The following FAM78B variants were observed in gnomAD, a reference collection of about 807,000 sequenced individuals.
FAM78B encodes family with sequence similarity 78 member B.
A neutral mutation model predicts 20.0 loss-of-function variants in FAM78B; 10 were observed. The ratio of observed to expected loss-of-function variants is 0.50; its 90% CI spans 0.31 to 0.85. The LOEUF (loss-of-function observed/expected upper bound fraction) is 0.85, where lower values mean the gene tolerates loss of function less well. Among genes scored for constraint, FAM78B ranks in the 40% least tolerant of loss-of-function variants. The probability of loss-of-function intolerance (pLI) is 0.05; values close to 1 mark genes in which losing one functional copy is unlikely to be tolerated. For missense variants in FAM78B, 283 were observed against 345.0 expected (o/e 0.82, Z 1.42); for synonymous variants, 135 against 132.8 (o/e 1.02, Z -0.12).
At chr1:166,098,190 C>G (rs1653363273) in intron 1 of FAM78B, among the ~76,000 whole-genome samples, 1 of 152,158 alleles carries the variant, frequency 6.6e-6, no homozygotes. Context: ...GAGAGTACTA[C>G]ATCAAGGGAA....
chr1:166,091,894 A>G (rs972473535), intron 1 of FAM78B, among the ~76,000 whole-genome samples: 2 of 152,218 alleles, frequency 1.3e-5, no homozygotes, highest in Non-Finnish European at 1.5e-5. Context: ...CCAACAGTTC[A>G]TAAGTGATGG....
chr1:166,165,221 T>C (rs955651921), intron 1 of FAM78B: 1 of 152,176 alleles, frequency 6.6e-6, no homozygotes, highest in African/African-American at 2.4e-5. Context: ...TTTTAAAAAG[T>C]AAGGACCCTA....
chr1:166,062,590 T>C (rs1651637848), intron 2 of FAM78B, among the ~76,000 whole-genome samples: 2 of 152,266 alleles, frequency 1.3e-5, no homozygotes, highest in Admixed American at 6.5e-5. Flanking sequence ...CCCTGATGCA[T>C]GTGCATGTGC....
At chr1:166,077,772 T>G (rs1009704592) in intron 1 of FAM78B, among the ~76,000 whole-genome samples, 1 of 137,450 alleles carries the variant, frequency 7.3e-6, no homozygotes, top group Non-Finnish European at 1.5e-5. Flanking sequence ...TATATATGAA[T>G]TATATATAAT....
intron 1 of FAM78B, among the ~76,000 whole-genome samples, chr1:166,130,297 T>C (rs150446552): frequency 1.8e-4 from 28 of 152,324 alleles, no homozygotes; most frequent in Admixed American, 3.3e-4. Context: ...CTGGACCACA[T>C]AGGGATGTGG....
chr1:166,129,505 T>C (rs1654793756), intron 1 of FAM78B, among the ~76,000 whole-genome samples: 1 of 152,230 alleles, frequency 6.6e-6, no homozygotes, highest in African/African-American at 2.4e-5. Context: ...CCAGGAAGTG[T>C]GTGAGACCTT....
At chr1:166,154,119 C>T (rs563591195) in intron 1 of FAM78B, among the ~76,000 whole-genome samples, 9 of 152,354 alleles carry the variant, frequency 5.9e-5, no homozygotes, top group African/African-American at 1.9e-4. Flanking sequence ...CAGCTGAGCC[C>T]TGCTGTCAGG....
intron 1 of FAM78B, among the ~76,000 whole-genome samples, chr1:166,119,379 T>C (rs1322655230): frequency 6.6e-6 from 1 of 152,168 alleles, no homozygotes; most frequent in Non-Finnish European, 1.5e-5. Context: ...TTCTTTGACA[T>C]GAGTGATTCC....
chr1:166,161,778 T>G (rs1258585711), intron 1 of FAM78B, among the ~76,000 whole-genome samples: 1 of 152,152 alleles, frequency 6.6e-6, no homozygotes. Context: ...TTTACTAAGA[T>G]GAAGAATGGC....
intron 1 of FAM78B, among the ~76,000 whole-genome samples, chr1:166,143,317 G>A (rs1296880435): frequency 6.6e-6 from 1 of 152,052 alleles, no homozygotes; most frequent in Admixed American, 6.6e-5. Flanking sequence ...GGTAAGCCTG[G>A]CTGGGGAACA....
intron 1 of FAM78B, among the ~76,000 whole-genome samples, chr1:166,139,059 C>T (rs982115342): frequency 5.9e-5 from 9 of 152,106 alleles, no homozygotes; most frequent in Admixed American, 2.0e-4. Flanking sequence ...GTTCTCCGAA[C>T]GTACTCCAGA....
chr1:166,132,290 C>T (rs1452599456), intron 1 of FAM78B, among the ~76,000 whole-genome samples: 1 of 145,038 alleles, frequency 6.9e-6, no homozygotes, highest in African/African-American at 2.4e-5. Flanking sequence ...CAAATCTCCC[C>T]TCTCCCCTAA....
chr1:166,092,235 C>T (rs1032201361), intron 1 of FAM78B, among the ~76,000 whole-genome samples: 17 of 152,150 alleles, frequency 1.1e-4, no homozygotes, highest in Admixed American at 6.5e-4. Flanking sequence ...CCAATGGAAG[C>T]GAGCACTGAT....
At position 166,070,521 on chromosome 1, in the gene FAM78B, A is replaced by C; in HGVS notation, c.506T>G (p.Phe169Cys). 6.2e-7 allele frequency: 1 copy of C among 1,614,116 alleles called. No homozygotes were observed. Among genetic ancestry groups the C allele is most frequent in the Non-Finnish European group, 8.5e-7 (1 of 1,180,002 alleles). The change falls in exon 2 of 2, where the codon TTC (phenylalanine) becomes TGC (cysteine). Residue 169 changes from phenylalanine to cysteine, a missense_variant. Physicochemically the swap from Phe to Cys is radical, Grantham distance 205. Coordinates refer to ENST00000354422, the MANE Select transcript of FAM78B (RefSeq NM_001017961.5). ...LLTRIKRDQS[F>C]TTWLVAMNTT... ...GTTCATGGCCACCAGCCAGGTCGTG[A>C]AACTTTGGTCTCTCTTGATTCTTGT... is the stretch of plus-strand genomic sequence containing the variant.
chr1:166,104,992 G>T (rs2101750809), intron 1 of FAM78B, among the ~76,000 whole-genome samples: 1 of 152,294 alleles, frequency 6.6e-6, no homozygotes, highest in African/African-American at 2.4e-5. Context: ...GCATGGTACT[G>T]GTACCTAAAC....
chr1:166,095,017 C>T (rs1182570697), intron 1 of FAM78B, among the ~76,000 whole-genome samples: 3 of 152,160 alleles, frequency 2.0e-5, no homozygotes, highest in African/African-American at 7.2e-5. Context: ...CAGCAGGTGG[C>T]TGAGCTGACA....
At chr1:166,095,708 G>A (rs980240470) in intron 1 of FAM78B, among the ~76,000 whole-genome samples, 2 of 152,132 alleles carry the variant, frequency 1.3e-5, no homozygotes, top group African/African-American at 4.8e-5. Context: ...AATTGCTTAC[G>A]TGATAGATAG....
chr1:166,144,971 T>C (rs1160698878), intron 1 of FAM78B, among the ~76,000 whole-genome samples: 1 of 151,988 alleles, frequency 6.6e-6, no homozygotes, highest in Non-Finnish European at 1.5e-5. Flanking sequence ...GGGGTGAGGG[T>C]TGGGAGGACT....
intron 1 of FAM78B, among the ~76,000 whole-genome samples, chr1:166,114,478 T>C (rs867985718): frequency 2.0e-5 from 3 of 152,212 alleles, no homozygotes; most frequent in African/African-American, 7.2e-5. Flanking sequence ...AATACTACAC[T>C]TCCCCCCAGG....
Sources: allele counts gnomAD v4.1 joint callset (sites outside exome capture counted in the v4.1 genomes callset), GRCh38; gene constraint gnomAD v4.1.1; transcripts MANE v1.5; gene names NCBI Gene and HGNC (gene_info 2026-07-23, HGNC 2026-07-21).